The following ATPAF1 variants were observed in gnomAD, a reference collection of about 807,000 sequenced individuals.
ATPAF1 encodes ATP synthase mitochondrial F1 complex assembly factor 1.
ATPAF1 carries 26 observed loss-of-function variants against 43.9 expected under a neutral mutation model. The ratio of observed to expected loss-of-function variants is 0.59; its 90% CI spans 0.43 to 0.82. The LOEUF is 0.82. ATPAF1 is among the 40% of genes least tolerant of loss of function. ATPAF1 has a pLI of 0.00. For synonymous variants in ATPAF1, 157 were observed against 168.0 expected, an observed-to-expected ratio of 0.93 and a Z score of 0.50; for missense variants, 366 against 435.0, an observed-to-expected ratio of 0.84 and a Z score of 1.41.
At chr1:46,651,156 C>A (rs1032462154) in intron 6 of ATPAF1, among the ~76,000 whole-genome samples, 43 of 152,140 alleles carry the variant, frequency 2.8e-4, no homozygotes, top group African/African-American at 1.0e-3. Flanking sequence ...CCACTCCCCC[C>A]ACCCCACAAC....
At chr1:46,651,045 A>T (rs1001019900) in intron 6 of ATPAF1, among the ~76,000 whole-genome samples, 2 of 152,046 alleles carry the variant, frequency 1.3e-5, no homozygotes, top group South Asian at 2.1e-4. Flanking sequence ...CATGTGCACA[A>T]TGTGCAGGTT....
intron 2 of ATPAF1, among the ~76,000 whole-genome samples, chr1:46,661,219 T>C (rs1468052322): frequency 6.6e-6 from 1 of 152,006 alleles, no homozygotes; most frequent in African/African-American, 2.4e-5. Flanking sequence ...ATTACAGGCA[T>C]GCGCCACCAT....
chr1:46,657,208 G>C (rs1676288923), intron 4 of ATPAF1, among the ~76,000 whole-genome samples: 1 of 152,176 alleles, frequency 6.6e-6, no homozygotes. Context: ...CATTGTACCT[G>C]ATACAGAGTA....
upstream of ATPAF1, chr1:46,668,430 G>A: frequency 8.6e-7 from 1 of 1,161,884 alleles, no homozygotes; most frequent in South Asian, 4.2e-5. The surrounding 1 kb of genome is among the most constrained non-coding windows in gnomAD (Gnocchi z 4.4). Context: ...CCGGCACCGA[G>A]GTTCCGCGCG....
intron 6 of ATPAF1, among the ~76,000 whole-genome samples, chr1:46,649,385 T>C (rs1676121955): frequency 6.6e-6 from 1 of 152,228 alleles, no homozygotes. Flanking sequence ...GTTCCATTAA[T>C]CTACATGTCT....
chr1:46,653,822 T>A lies in ATPAF1; in HGVS notation c.535A>T (p.Ile179Phe). The A allele has an allele frequency of 6.2e-7, 1 of 1,609,382 alleles. No homozygotes were observed. Among genetic ancestry groups the A allele is most frequent in the South Asian group, 1.1e-5 (1 of 89,820 alleles). The stretch of plus-strand genomic sequence containing the variant: ...TTGCCCTCCAAACTACTTACAGGAA[T>A]AACTGCGTAGACTGTATCTTTTGCT... Residue 179 changes from isoleucine (I) to phenylalanine (F), a missense_variant, in exon 5 of 9, where the codon ATT (isoleucine) becomes TTT (phenylalanine). Physicochemically the swap from Ile to Phe is conservative, Grantham distance 21 (BLOSUM62 0). Coordinates refer to ENST00000574428, the Ensembl canonical transcript of ATPAF1. The surrounding 1 kb of genome is among the most constrained non-coding windows in gnomAD (Gnocchi z 4.8).
downstream of ATPAF1, chr1:46,634,578 G>C (rs950939436): frequency 6.6e-6 from 1 of 152,352 alleles, no homozygotes; most frequent in Non-Finnish European, 1.5e-5. Context: ...TCACGCTACT[G>C]TACTCCAGCC....
intron 1 of ATPAF1, chr1:46,665,833 A>C: frequency 7.0e-7 from 1 of 1,429,562 alleles, no homozygotes; most frequent in Non-Finnish European, 9.1e-7. Context: ...TAGGTAGCCT[A>C]TTTTGCAGAA....
rs780469505 is a variant in ATPAF1 at position 46,635,881 on chromosome 1, A to G, written c.882T>C (p.Phe294=). The G allele has an allele frequency of 7.7e-5, 125 of 1,614,150 alleles. No homozygotes were observed. In the South Asian group the frequency reaches 1.2e-3, roughly 16 times the overall value. The change falls in exon 9 of 9, where the codon TTT becomes TTC. Residue 294 remains phenylalanine (F), a synonymous_variant. Coordinates refer to ENST00000574428, the Ensembl canonical transcript of ATPAF1. ...ATTTGAACTCATTTGGTCTGAGGTT[A>G]AAGGTCTCCACTAACCCGTAGGTCT...
At chr1:46,636,653 G>C (rs1675846120) in intron 8 of ATPAF1, among the ~76,000 whole-genome samples, 1 of 151,826 alleles carries the variant, frequency 6.6e-6, no homozygotes, top group Non-Finnish European at 1.5e-5. Flanking sequence ...GCATTGGTGT[G>C]AGCCTGTAGT....
chr1:46,636,366 A>C (rs770800111), intron 8 of ATPAF1, among the ~76,000 whole-genome samples: 1 of 152,200 alleles, frequency 6.6e-6, no homozygotes, highest in Non-Finnish European at 1.5e-5. Flanking sequence ...ATATATTTCA[A>C]GGGGGGAATA....
downstream of ATPAF1, chr1:46,633,303 G>A (rs144924402): frequency 4.8e-5 from 8 of 168,090 alleles, no homozygotes; most frequent in South Asian, 9.1e-4. Context: ...AGTCTTTAAT[G>A]AGGGGCAAGG....
At chr1:46,633,661 C>G (rs772315140), downstream of ATPAF1, 1 of 444,728 alleles carries the variant, frequency 2.2e-6, no homozygotes, top group South Asian at 1.6e-5. Context: ...TTAGTCATGC[C>G]CCACACATTT....
At chr1:46,658,600 A>C in intron 3 of ATPAF1, 87 bp downstream of exon 3, 1 of 962,566 alleles carries the variant, frequency 1.0e-6, no homozygotes, top group Non-Finnish European at 1.6e-6. Flanking sequence ...ACTGAGCCAC[A>C]GTACTTATGT....
chr1:46,657,644 C>T (rs1325667436), intron 4 of ATPAF1, among the ~76,000 whole-genome samples: 2 of 152,090 alleles, frequency 1.3e-5, no homozygotes, highest in Non-Finnish European at 2.9e-5. Flanking sequence ...AAACTAAAGC[C>T]CAGACAAGTT....
At chr1:46,655,004 A>T (rs1229158412) in intron 4 of ATPAF1, among the ~76,000 whole-genome samples, 2 of 152,138 alleles carry the variant, frequency 1.3e-5, no homozygotes, top group African/African-American at 4.8e-5. Context: ...GGCGTTAAGA[A>T]TCTTACAATC....
At chr1:46,667,971 A>C (rs1346656707) in intron 1 of ATPAF1, 86 bp downstream of exon 1, 1 of 1,109,614 alleles carries the variant, frequency 9.0e-7, no homozygotes, top group Non-Finnish European at 1.2e-6. Flanking sequence ...ACTAGTGCCC[A>C]CCTCACAGGG....
intron 7 of ATPAF1, 35 bp from the exon 8 acceptor site, chr1:46,643,336 G>GT: frequency 6.6e-7 from 1 of 1,516,714 alleles, no homozygotes; most frequent in African/African-American, 1.4e-5. Context: ...GCTCAATAAG[G>GT]TACCATCACA....
At chr1:46,640,496 G>A (rs1675929722) in intron 8 of ATPAF1, among the ~76,000 whole-genome samples, 1 of 152,118 alleles carries the variant, frequency 6.6e-6, no homozygotes, top group Non-Finnish European at 1.5e-5. Flanking sequence ...TGTAATCTCA[G>A]CTACTCAGGA....
Sources: allele counts gnomAD v4.1 joint callset (sites outside exome capture counted in the v4.1 genomes callset), GRCh38; gene constraint gnomAD v4.1.1; non-coding constraint Gnocchi (gnomAD v3.1); transcripts MANE v1.5; gene names NCBI Gene and HGNC (gene_info 2026-07-23, HGNC 2026-07-21).